The following CFAP299 variants were observed in gnomAD, a reference collection of about 807,000 sequenced individuals.
CFAP299 encodes the protein cilia- and flagella-associated protein 299.
Under a neutral mutation model 27.0 loss-of-function variants are expected in CFAP299, and 21 were observed. The ratio of observed to expected loss-of-function variants is 0.78; its 90% CI spans 0.55 to 1.12. The LOEUF is 1.12. CFAP299 is among the 50% of genes most tolerant of loss of function. The probability of loss-of-function intolerance (pLI) is 0.00; values close to 1 mark genes in which losing one functional copy is unlikely to be tolerated. For missense variants in CFAP299, 310 were observed against 276.6 expected, an observed-to-expected ratio of 1.12 and a Z score of -0.86; for synonymous variants, 104 against 98.1, an observed-to-expected ratio of 1.06 and a Z score of -0.36.
At chr4:80,795,354 G>T (rs977563197) in intron 3 of CFAP299, among the ~76,000 whole-genome samples, 16 of 152,170 alleles carry the variant, frequency 1.1e-4, no homozygotes, top group African/African-American at 4.8e-5. Context: ...ACAACCAGGT[G>T]CACTGCCTGA....
chr4:80,563,936 A>G (rs1157710753), intron 2 of CFAP299, among the ~76,000 whole-genome samples: 1 of 151,964 alleles, frequency 6.6e-6, no homozygotes, highest in African/African-American at 2.4e-5. Flanking sequence ...TGGAAAATCT[A>G]GAAGTGGACA....
At chr4:80,892,141 T>C (rs1734338591) in intron 4 of CFAP299, among the ~76,000 whole-genome samples, 2 of 152,102 alleles carry the variant, frequency 1.3e-5, no homozygotes, top group Admixed American at 6.6e-5. Flanking sequence ...AAGAACATGG[T>C]ACTGGCATAA....
intron 2 of CFAP299, among the ~76,000 whole-genome samples, chr4:80,430,030 G>T (rs959353167): frequency 8.6e-5 from 13 of 151,904 alleles, no homozygotes; most frequent in African/African-American, 2.9e-4. Flanking sequence ...AAGCTTTATA[G>T]CAATCTTCTA....
intron 3 of CFAP299, among the ~76,000 whole-genome samples, chr4:80,781,750 T>C (rs546669146): frequency 4.0e-5 from 6 of 151,520 alleles, no homozygotes; most frequent in South Asian, 4.2e-4. Flanking sequence ...CCAGATTACA[T>C]AGGACAGGGG....
intron 3 of CFAP299, among the ~76,000 whole-genome samples, chr4:80,770,177 C>T (rs537009203): frequency 5.9e-5 from 9 of 152,260 alleles, no homozygotes; most frequent in East Asian, 1.9e-4. Context: ...GTGGGCCTTA[C>T]GTATAGATTT....
chr4:80,745,955 T>C (rs895119775), intron 3 of CFAP299, among the ~76,000 whole-genome samples: 2 of 152,048 alleles, frequency 1.3e-5, no homozygotes, highest in Non-Finnish European at 2.9e-5. Context: ...GATAAGAAAT[T>C]CCAAGAAATT....
At chr4:80,933,125 CTTCT>C (rs1736705056) in intron 4 of CFAP299, among the ~76,000 whole-genome samples, 1 of 151,750 alleles carries the variant, frequency 6.6e-6, no homozygotes, top group Non-Finnish European at 1.5e-5. Context: ...TCTTTCCTTC[CTTCT>C]TTCTTTTTCT....
chr4:80,700,075 C>T (rs1375359206), intron 3 of CFAP299, among the ~76,000 whole-genome samples: 1 of 151,746 alleles, frequency 6.6e-6, no homozygotes, highest in Non-Finnish European at 1.5e-5. Flanking sequence ...TGGTACTAAC[C>T]CAATAAAGGA....
At chr4:80,604,225 A>G (rs1212236782) in intron 3 of CFAP299, among the ~76,000 whole-genome samples, 1 of 152,170 alleles carries the variant, frequency 6.6e-6, no homozygotes, top group Non-Finnish European at 1.5e-5. Flanking sequence ...GGGAGAGGAA[A>G]TATCTTTTGA....
chr4:80,441,772 A>G (rs2110087227), intron 2 of CFAP299, among the ~76,000 whole-genome samples: 1 of 152,256 alleles, frequency 6.6e-6, no homozygotes, highest in East Asian at 1.9e-4. Context: ...AGTTGGATAA[A>G]GAGTCAAGAC....
intron 3 of CFAP299, among the ~76,000 whole-genome samples, chr4:80,634,915 C>A (rs898281651): frequency 6.6e-6 from 1 of 151,980 alleles, no homozygotes; most frequent in Non-Finnish European, 1.5e-5. Flanking sequence ...ATGTGGAATA[C>A]CCTTTGTCTA....
the CFAP299 span, among the ~76,000 whole-genome samples, chr4:80,327,732 C>CATAT: frequency 2.4e-3 from 246 of 103,112 alleles, 2 homozygotes; most frequent in African/African-American, 6.2e-3. Flanking sequence ...AACTTCAATA[C>CATAT]ATATATATAT....
intron 2 of CFAP299, among the ~76,000 whole-genome samples, chr4:80,442,809 TAAAG>T (rs1195546315): frequency 1.3e-5 from 2 of 151,458 alleles, no homozygotes; most frequent in Admixed American, 6.6e-5. Flanking sequence ...AACAAAGAAA[TAAAG>T]AGAGAAGAAT....
intron 2 of CFAP299, among the ~76,000 whole-genome samples, chr4:80,472,448 A>G (rs113605305): frequency 2.7e-3 from 405 of 152,312 alleles, no homozygotes; most frequent in South Asian, 0.018. Flanking sequence ...TCAGAACCCA[A>G]CGGATGAAAG....
chr4:80,902,372 TTATA>T lies in CFAP299; in HGVS notation c.476+32241_476+32244del, dbSNP rs1005433363. Among the ~76,000 whole-genome samples, 471 of 146,148 alleles carry T rather than the reference TTATA, an allele frequency of 3.2e-3. 1 individual carries two copies. Among genetic ancestry groups the T allele is most frequent in the African/African-American group, 0.011 (459 of 40,228 alleles). On this transcript the variant is annotated intron_variant, in intron 4 of 5. Coordinates refer to ENST00000358105, the MANE Select transcript of CFAP299 (RefSeq NM_152770.3). Reference sequence around the variant, plus strand: ...TGGATATATATGGATAAAATATAGATTATATATTTTATAAATATATGAAATATAC... The same window carrying T: ...TGGATATATATGGATAAAATATAGATTATTTTATAAATATATGAAATATAC...
At chr4:80,672,216 G>T (rs1741527485) in intron 3 of CFAP299, among the ~76,000 whole-genome samples, 1 of 152,126 alleles carries the variant, frequency 6.6e-6, no homozygotes, top group Non-Finnish European at 1.5e-5. Context: ...AGCATGAAGG[G>T]ATGTTGAATT....
At chr4:80,634,257 C>A (rs1487775739) in intron 3 of CFAP299, among the ~76,000 whole-genome samples, 1 of 152,118 alleles carries the variant, frequency 6.6e-6, no homozygotes, top group Non-Finnish European at 1.5e-5. Flanking sequence ...GCTGGGATTA[C>A]TGTTGTGAGC....
intron 4 of CFAP299, among the ~76,000 whole-genome samples, chr4:80,917,041 A>T (rs1426771781): frequency 6.6e-6 from 1 of 152,166 alleles, no homozygotes; most frequent in Admixed American, 6.6e-5. Flanking sequence ...ATTTGGAAGA[A>T]AAAGTGTGGC....
At chr4:80,398,581 C>A (rs79393555) in intron 2 of CFAP299, among the ~76,000 whole-genome samples, 34,403 of 151,578 alleles carry the variant, frequency 0.23, 4,026 homozygotes, top group South Asian at 0.31. Flanking sequence ...CAAAAACAAG[C>A]AATGGGGAAA....
Sources: gnomAD v4.1 joint callset for allele counts (sites outside exome capture counted in the v4.1 genomes callset) on GRCh38, gnomAD v4.1.1 for gene constraint, MANE v1.5 for transcripts, NCBI Gene and HGNC (gene_info 2026-07-23, HGNC 2026-07-21) for gene names.